The following ABTB2 variants were observed in gnomAD, a reference collection of about 807,000 sequenced individuals.
ABTB2 encodes the protein ankyrin repeat and BTB/POZ domain-containing protein 2.
Under a neutral mutation model 104.1 loss-of-function variants are expected in ABTB2, and 56 were observed. That is an observed-to-expected ratio of 0.54 (90% CI 0.43 to 0.67). The LOEUF (loss-of-function observed/expected upper bound fraction) is 0.67, where lower values mean the gene tolerates loss of function less well. Among genes scored for constraint, ABTB2 ranks in the 30% least tolerant of loss-of-function variants. ABTB2 has a pLI of 0.00. For synonymous variants in ABTB2, 606 were observed against 608.2 expected (o/e 1.00, Z 0.05); for missense variants, 1,279 against 1,407.7 (o/e 0.91, Z 1.46).
intron 1 of ABTB2, among the ~76,000 whole-genome samples, chr11:34,294,909 T>A (rs1036418843): frequency 1.3e-5 from 2 of 151,640 alleles, no homozygotes; most frequent in African/African-American, 2.4e-5. Context: ...AGAGACAGGG[T>A]TTCACCATGT....
intron 5 of ABTB2, among the ~76,000 whole-genome samples, chr11:34,168,231 C>T (rs757070575): frequency 6.6e-5 from 10 of 152,212 alleles, no homozygotes; most frequent in East Asian, 1.9e-4. Flanking sequence ...GGCCGTGCAG[C>T]CAGGCTCGGT....
intron 1 of ABTB2, among the ~76,000 whole-genome samples, chr11:34,319,194 C>T (rs1199946559): frequency 6.6e-6 from 1 of 152,252 alleles, no homozygotes; most frequent in Non-Finnish European, 1.5e-5. Flanking sequence ...CTTCCTGGAT[C>T]TGACACACAA....
intron 3 of ABTB2, among the ~76,000 whole-genome samples, chr11:34,190,221 CAG>C (rs371138222): frequency 5.3e-5 from 8 of 150,850 alleles, no homozygotes; most frequent in African/African-American, 1.9e-4. Context: ...GCCTGGGTAA[CAG>C]AGTGTGACTC....
At chr11:34,341,932 T>C (rs972508334) in intron 1 of ABTB2, among the ~76,000 whole-genome samples, 1 of 152,230 alleles carries the variant, frequency 6.6e-6, no homozygotes, top group Non-Finnish European at 1.5e-5. Flanking sequence ...ATTAAACGTG[T>C]AAAGGGTCCC....
intron 3 of ABTB2, among the ~76,000 whole-genome samples, 159 bp downstream of exon 3, chr11:34,197,166 C>A (rs1330131765): frequency 6.6e-6 from 1 of 152,230 alleles, no homozygotes; most frequent in Non-Finnish European, 1.5e-5. Context: ...TGCAGGCCTT[C>A]ATCCATCGGA....
intron 1 of ABTB2, among the ~76,000 whole-genome samples, chr11:34,228,686 T>C (rs537481060): frequency 9.8e-5 from 15 of 152,298 alleles, no homozygotes; most frequent in Middle Eastern, 6.8e-3. Context: ...CTATGTTTGA[T>C]TTTTTGAGGA....
At chr11:34,275,255 G>A (rs1161683149) in intron 1 of ABTB2, among the ~76,000 whole-genome samples, 1 of 152,190 alleles carries the variant, frequency 6.6e-6, no homozygotes, top group Non-Finnish European at 1.5e-5. Context: ...CCTGCAGGCC[G>A]AGGCTGTGCT....
intron 1 of ABTB2, among the ~76,000 whole-genome samples, chr11:34,324,562 C>T (rs1402670417): frequency 2.0e-5 from 3 of 152,330 alleles, no homozygotes; most frequent in African/African-American, 7.2e-5. Flanking sequence ...CCACTCCTGC[C>T]TCTTCAGGAA....
In ABTB2 at chr11:34,196,943, T is replaced by C. The variant is rs1379335396; in HGVS notation, c.1244+382A>G. Among the ~76,000 whole-genome samples the C allele has an allele frequency of 2.6e-5, 4 of 152,330 alleles. No homozygotes were observed. In the East Asian group the frequency reaches 5.8e-4, roughly 22 times the overall value. On this transcript the variant is annotated intron_variant, in intron 3 of 16. Transcript: ENST00000435224. ...ACAGCTACCACTGGCCAAGGGCCAG[T>C]TCCCACCTAGCCCCCATCCTACATG...
intron 1 of ABTB2, among the ~76,000 whole-genome samples, chr11:34,343,253 C>T (rs1350936668): frequency 6.6e-6 from 1 of 152,166 alleles, no homozygotes. Flanking sequence ...GCTGCTGTGG[C>T]TGTGAAATGA....
chr11:34,283,377 A>G (rs1854470654), intron 1 of ABTB2, among the ~76,000 whole-genome samples: 1 of 150,970 alleles, frequency 6.6e-6, no homozygotes, highest in African/African-American at 2.4e-5. Flanking sequence ...CACCATGCTC[A>G]GCTAATTTTT....
rs1852812955 is a variant in ABTB2, at chr11:34,167,242, A to G, written c.1755+17T>C. ...TGGTAAGCTGGGGGGCATGGTGTTC[A>G]CCTGGCAGGAGCTCACCTGGACCAC... On this transcript the variant is annotated intron_variant, in intron 7 of 16. Transcript: ENST00000435224. 2.5e-6 allele frequency: 4 copies of G among 1,595,294 alleles called. No homozygotes were observed. The East Asian group carries it at 9.1e-5, about 36-fold the overall frequency.
At chr11:34,169,991 C>T (rs1852848556) in intron 5 of ABTB2, among the ~76,000 whole-genome samples, 1 of 152,222 alleles carries the variant, frequency 6.6e-6, no homozygotes, top group African/African-American at 2.4e-5. Flanking sequence ...ACTGCCTTAA[C>T]TCGCCACTGT....
rs753669043 is a variant in ABTB2 at position 34,173,235 on chromosome 11, G to T, written c.1317C>A (p.Ser439Arg). The change falls in exon 4 of 17, where the codon AGC (serine) becomes AGA (arginine). Residue 439 changes from serine (S) to arginine (R), a missense_variant. Coordinates refer to ENST00000435224, the MANE Select transcript of ABTB2 (RefSeq NM_145804.3). ...VAITYAEHRR[S>R]LTVDSGDIRQ... Reference sequence around the variant, plus strand: ...GGATGTCGCCGCTGTCCACGGTGAGGCTGCGGCGGTGCTCTGCGTAGGTGA... The same window carrying T: ...GGATGTCGCCGCTGTCCACGGTGAGTCTGCGGCGGTGCTCTGCGTAGGTGA... 1 of 1,613,032 alleles carries T rather than the reference G, an allele frequency of 6.2e-7. No homozygotes were observed. Among genetic ancestry groups the T allele is most frequent in the Non-Finnish European group, 8.5e-7 (1 of 1,179,762 alleles).
chr11:34,258,805 T>C (rs528543173), intron 1 of ABTB2, among the ~76,000 whole-genome samples: 2 of 152,064 alleles, frequency 1.3e-5, no homozygotes, highest in Non-Finnish European at 2.9e-5. Context: ...TTCACCATGT[T>C]GGCCAGGCTG....
rs1265500561 is a variant in ABTB2 at position 34,357,449 on chromosome 11, C to T, written c.135G>A (p.Ser45=). ...SKSNSQALNS[S]AQQHRGAAWW... ...AGGCCGCCCCGCGGTGCTGCTGCGC[C>T]GAAGAGTTGAGCGCCTGCGAGTTGG... Residue 45 remains serine, a synonymous_variant, in exon 1 of 17, where the codon TCG becomes TCA. Coordinates refer to ENST00000435224, the MANE Select transcript of ABTB2 (RefSeq NM_145804.3). 5.2e-6 allele frequency: 8 copies of T among 1,548,236 alleles called. No homozygotes were observed. Among genetic ancestry groups the T allele is most frequent in the Non-Finnish European group, 7.0e-6 (8 of 1,146,840 alleles).
At chr11:34,279,917 T>C (rs374619378) in intron 1 of ABTB2, among the ~76,000 whole-genome samples, 177 of 150,288 alleles carry the variant, frequency 1.2e-3, no homozygotes, top group Non-Finnish European at 2.1e-3. Context: ...GCCTCCCAAA[T>C]AGCTGGGACT....
At chr11:34,179,214 C>T (rs1852994414) in intron 3 of ABTB2, among the ~76,000 whole-genome samples, 1 of 152,166 alleles carries the variant, frequency 6.6e-6, no homozygotes, top group Non-Finnish European at 1.5e-5. Context: ...GCTCATGTCC[C>T]ATTTGCCGTC....
At chr11:34,171,170 G>A in intron 4 of ABTB2, 99 bp from the exon 5 acceptor site, 1 of 1,337,888 alleles carries the variant, frequency 7.5e-7, no homozygotes, top group Non-Finnish European at 1.0e-6. Context: ...GAGTGAGGAT[G>A]AGGATGGGTG....
Sources: allele counts gnomAD v4.1 joint callset (sites outside exome capture counted in the v4.1 genomes callset), GRCh38; gene constraint gnomAD v4.1.1; transcripts MANE v1.5; gene names NCBI Gene and HGNC (gene_info 2026-07-23, HGNC 2026-07-21).